UBXN2A: variants seen among roughly 807,000 people sequenced by gnomAD.
UBXN2A encodes the protein UBX domain-containing protein 2A.
Under a neutral mutation model 28.4 loss-of-function variants are expected in UBXN2A, and 28 were observed. The ratio of observed to expected loss-of-function variants is 0.99; its 90% CI spans 0.73 to 1.35. UBXN2A has a LOEUF of 1.35. Ranked by LOEUF, UBXN2A falls within the 40% of genes most tolerant of loss-of-function variation. The pLI is 0.00. For synonymous variants in UBXN2A, 97 were observed against 103.6 expected (o/e 0.94, Z 0.39); for missense variants, 253 against 297.9 (o/e 0.85, Z 1.11).
At chr2:23,938,403 T>G (rs1573524342), upstream of UBXN2A, among the ~76,000 whole-genome samples, 1 of 151,580 alleles carries the variant, frequency 6.6e-6, no homozygotes, top group East Asian at 1.9e-4. Flanking sequence ...GAGGCGGAGG[T>G]TATAGTGAGC....
In UBXN2A at chr2:23,979,687, G is replaced by A. The variant is rs560138708; in HGVS notation, c.287+2612G>A. 5.3e-5 allele frequency among the ~76,000 whole-genome samples: 8 copies of A among 151,948 alleles called. No individual in the cohort carries two copies. In the South Asian group the frequency reaches 1.2e-3, roughly 24 times the overall value. ...CGTCTCAAGTGGTCCTCCTACCTCC[G>A]CCTCCCAAATAGCTGGAACGATAGG... is the stretch of plus-strand genomic sequence containing the variant. On this transcript the variant is annotated intron_variant, in intron 4 of 6. Coordinates refer to ENST00000309033, the MANE Select transcript of UBXN2A (RefSeq NM_181713.4).
Position 24,001,522 on chromosome 2 carries a change from G to C in UBXN2A, c.*1655G>C, listed in dbSNP as rs775948838. The C allele has an allele frequency of 2.0e-4, 30 of 152,068 alleles. No individual in the cohort carries two copies. Among genetic ancestry groups the C allele is most frequent in the Admixed American group, 1.5e-3 (23 of 15,266 alleles). The allele number at this position is 152,068 out of a possible 1,614,324, so 9.4% of individuals were successfully genotyped here. Reference sequence around the variant, plus strand: ...TGAAGCATGCATTGAGTGTGCCAAGGAACTAAGTGGTCCATAGCAGCAGTA... The same window carrying C: ...TGAAGCATGCATTGAGTGTGCCAAGCAACTAAGTGGTCCATAGCAGCAGTA... On this transcript the variant is annotated 3_prime_UTR_variant, in exon 7 of 7. Coordinates refer to ENST00000309033, the MANE Select transcript of UBXN2A (RefSeq NM_181713.4).
intron 1 of UBXN2A, among the ~76,000 whole-genome samples, chr2:23,935,456 A>C (rs1254650977): frequency 2.0e-5 from 3 of 152,238 alleles, no homozygotes; most frequent in Non-Finnish European, 4.4e-5. Flanking sequence ...CTCCAAAAAA[A>C]ATATACGAAT....
rs777252822 is a variant in UBXN2A at position 23,971,270 on chromosome 2, G to A, written c.42-6G>A. 5.8e-6 allele frequency: 9 copies of A among 1,548,026 alleles called. No homozygotes were observed. The highest frequency in any genetic ancestry group is 7.9e-6 in the Non-Finnish European group (9 of 1,137,164). On this transcript the variant is annotated splice_polypyrimidine_tract_variant and splice_region_variant and intron_variant, in intron 2 of 6. Coordinates refer to ENST00000309033, the MANE Select transcript of UBXN2A (RefSeq NM_181713.4). Reference sequence around the variant, plus strand: ...AATAGTGCCTGTTTTTCTTTATCTTGTTTAGGGTTTGTGAAACAGGATCTG... The same window carrying A: ...AATAGTGCCTGTTTTTCTTTATCTTATTTAGGGTTTGTGAAACAGGATCTG...
At chr2:23,935,843 A>C (rs1281872052), upstream of UBXN2A, among the ~76,000 whole-genome samples, 1 of 152,174 alleles carries the variant, frequency 6.6e-6, no homozygotes, top group African/African-American at 2.4e-5. Flanking sequence ...AGAGGTCAGG[A>C]GTTCAAGACC....
intron 6 of UBXN2A, among the ~76,000 whole-genome samples, chr2:23,997,986 AT>A (rs969787048): frequency 2.6e-5 from 4 of 151,196 alleles, no homozygotes; most frequent in African/African-American, 4.9e-5. Flanking sequence ...TAATTTTTGT[AT>A]TTTTAGTAAA....
rs572211323 is a variant in UBXN2A, at chr2:23,941,017, TG to T, written c.-15+370del. On this transcript the variant is annotated intron_variant, in intron 1 of 6. Transcript: ENST00000309033. The stretch of plus-strand genomic sequence containing the variant: ...CGAACGCTGCACGATCGCAGTCCAG[TG>T]ATACAAAGTATGCCTATTAGTGACT... 3.5e-3 allele frequency among the ~76,000 whole-genome samples: 526 copies of T among 152,332 alleles called. 4 individuals are homozygous for T. Among genetic ancestry groups the T allele is most frequent in the African/African-American group, 0.012 (511 of 41,586 alleles).
chr2:23,990,906 T>C (rs17763224), intron 6 of UBXN2A, among the ~76,000 whole-genome samples: 18,609 of 152,108 alleles, frequency 0.12, 1,208 homozygotes, highest in Middle Eastern at 0.2. Context: ...AAAGTAAAAC[T>C]GTCCTTAAAA....
At chr2:23,975,648 G>T (rs577130803) in intron 3 of UBXN2A, among the ~76,000 whole-genome samples, 1 of 151,786 alleles carries the variant, frequency 6.6e-6, no homozygotes, top group Non-Finnish European at 1.5e-5. Context: ...TTCTTTTTTC[G>T]TTTTTTTAAG....
intron 1 of UBXN2A, among the ~76,000 whole-genome samples, chr2:23,947,311 T>C (rs141011477): frequency 6.6e-6 from 1 of 152,352 alleles, no homozygotes; most frequent in Admixed American, 6.5e-5. Flanking sequence ...ATTTCATCAC[T>C]GCACTTTTTG....
chr2:23,995,272 A>C (rs1216475073), intron 6 of UBXN2A, among the ~76,000 whole-genome samples: 1 of 151,674 alleles, frequency 6.6e-6, no homozygotes, highest in East Asian at 1.9e-4. Context: ...CAGTGAAAAA[A>C]CCAGTGTAAA....
intron 4 of UBXN2A, among the ~76,000 whole-genome samples, chr2:23,981,703 G>A (rs1707917047): frequency 6.6e-6 from 1 of 151,588 alleles, no homozygotes; most frequent in Non-Finnish European, 1.5e-5. Flanking sequence ...GGACCAGCCT[G>A]GGCAACATGG....
intron 4 of UBXN2A, among the ~76,000 whole-genome samples, chr2:23,978,830 C>T (rs565151591): frequency 2.7e-5 from 4 of 148,332 alleles, no homozygotes; most frequent in East Asian, 4.1e-4. Context: ...CGCATCGTGG[C>T]ACGTGCCTGT....
At position 24,002,185 on chromosome 2, in the gene UBXN2A, A is replaced by G. The variant is rs1328250651; in HGVS notation, c.*2318A>G. On this transcript the variant is annotated 3_prime_UTR_variant, in exon 7 of 7. Coordinates refer to ENST00000309033, the MANE Select transcript of UBXN2A (RefSeq NM_181713.4). ...TTTGGGACACTAAAGCGGGCAGATC[A>G]CCTGAGGTCAGGAGTTCGAGACCAG... The G allele has an allele frequency of 6.6e-6, 1 of 152,012 alleles. No individual in the cohort carries two copies. The highest frequency in any genetic ancestry group is 1.5e-5 in the Non-Finnish European group (1 of 68,058). The allele number at this position is 152,012 out of a possible 1,614,324, so 9.4% of individuals were successfully genotyped here.
Position 23,982,792 on chromosome 2 carries a change from A to G in UBXN2A, c.288-104A>G, listed in dbSNP as rs188511774. ...TATTTCATTGTATAGAATATTATAT[A>G]TTTCTGTATATTTCTACATATTCAT... On this transcript the variant is annotated intron_variant, in intron 4 of 6. Coordinates refer to ENST00000309033, the MANE Select transcript of UBXN2A (RefSeq NM_181713.4). The G allele has an allele frequency of 8.5e-6, 10 of 1,176,402 alleles. No homozygotes were observed. The Admixed American group carries it at 1.7e-4, about 20-fold the overall frequency. The allele number at this position is 1,176,402 out of a possible 1,614,324, so 72.9% of individuals were successfully genotyped here.
intron 2 of UBXN2A, among the ~76,000 whole-genome samples, chr2:23,958,614 A>T (rs984077867): frequency 1.6e-4 from 25 of 152,208 alleles, no homozygotes; most frequent in Admixed American, 9.2e-4. Context: ...TGATAAATTA[A>T]ATAACTATTT....
intron 1 of UBXN2A, among the ~76,000 whole-genome samples, chr2:23,942,836 A>T (rs1705834699): frequency 6.6e-6 from 1 of 152,180 alleles, no homozygotes; most frequent in Non-Finnish European, 1.5e-5. Flanking sequence ...AGAGAACAGT[A>T]CAATGAACTC....
chr2:23,962,840 C>T (rs888678788), intron 2 of UBXN2A, among the ~76,000 whole-genome samples: 29 of 152,068 alleles, frequency 1.9e-4, no homozygotes, highest in Non-Finnish European at 5.9e-5. Context: ...CAACTCCCGA[C>T]CTCAGGTGAT....
intron 6 of UBXN2A, among the ~76,000 whole-genome samples, chr2:23,993,626 AC>A (rs1371853268): frequency 6.6e-6 from 1 of 150,896 alleles, no homozygotes. Context: ...TCTGTTTTTT[AC>A]CCAGTTTGAT....
Sources: gnomAD v4.1 joint callset for allele counts (sites outside exome capture counted in the v4.1 genomes callset) on GRCh38, gnomAD v4.1.1 for gene constraint, MANE v1.5 for transcripts, NCBI Gene and HGNC (gene_info 2026-07-23, HGNC 2026-07-21) for gene names.